HTR7: variants seen among roughly 807,000 people sequenced by gnomAD.
HTR7 encodes the protein 5-HT-7.
In HTR7, 16 loss-of-function variants were observed where a neutral mutation model predicts 34.0. The ratio of observed to expected loss-of-function variants is 0.47; its 90% CI spans 0.32 to 0.71. HTR7 has a LOEUF of 0.71. Among genes scored for constraint, HTR7 ranks in the 30% least tolerant of loss-of-function variants. The pLI, the probability that HTR7 is intolerant of heterozygous loss-of-function variation, is 0.04. For synonymous variants in HTR7, 265 were observed against 260.2 expected, an observed-to-expected ratio of 1.02 and a Z score of -0.18; for missense variants, 504 against 625.5, an observed-to-expected ratio of 0.81 and a Z score of 2.07.
At chr10:90,819,800 T>C (rs961168190) in intron 1 of HTR7, among the ~76,000 whole-genome samples, 2 of 151,466 alleles carry the variant, frequency 1.3e-5, no homozygotes, top group African/African-American at 2.4e-5. Context: ...AAGGGTGGAG[T>C]TTAAGAAGTG....
chr10:90,814,155 C>T (rs1336713228), intron 1 of HTR7, among the ~76,000 whole-genome samples: 4 of 152,198 alleles, frequency 2.6e-5, no homozygotes, highest in Non-Finnish European at 4.4e-5. Context: ...TGTTTCATAG[C>T]TAGCCTAGTG....
At chr10:90,817,849 C>A (rs758951221) in intron 1 of HTR7, among the ~76,000 whole-genome samples, 1 of 152,064 alleles carries the variant, frequency 6.6e-6, no homozygotes, top group East Asian at 1.9e-4. Context: ...AAAGAATAAA[C>A]AAAATATGCT....
At position 90,858,018 on chromosome 10, in the gene HTR7, A is replaced by C. The variant is rs992598951; in HGVS notation, c.-347T>G. 1.3e-5 allele frequency among the ~76,000 whole-genome samples: 2 copies of C among 149,064 alleles called. No homozygotes were observed. The highest frequency in any genetic ancestry group is 2.4e-5 in the African/African-American group (1 of 40,920). The stretch of plus-strand genomic sequence containing the variant: ...GCTGCGCCGAGAGCGCCCGGGCGGC[A>C]GCGGCAGAAGTTGCGGAGTGCGCCC... On this transcript the variant is annotated 5_prime_UTR_variant, in exon 1 of 4. Coordinates refer to ENST00000336152, the MANE Select transcript of HTR7 (RefSeq NM_019859.4).
rs184172123 is a variant in HTR7 at position 90,830,564 on chromosome 10, T to C, written c.539+26569A>G. On this transcript the variant is annotated intron_variant, in intron 1 of 3. Transcript: ENST00000336152. ...CACTTTGGGAGGCCGATGTAGCAGA[T>C]AGCTTGTGCCCAGGAGTTTGAGACC... Among the ~76,000 whole-genome samples the C allele has an allele frequency of 7.2e-5, 11 of 152,204 alleles. No homozygotes were observed. In the South Asian group the frequency reaches 8.3e-4, roughly 11 times the overall value.
At chr10:90,763,515 C>T (rs867039734) in intron 1 of HTR7, among the ~76,000 whole-genome samples, 35 of 152,148 alleles carry the variant, frequency 2.3e-4, no homozygotes, top group African/African-American at 5.5e-4. Context: ...TTGTTACATA[C>T]GTATACATGT....
At chr10:90,839,443 TG>T (rs1846295749) in intron 1 of HTR7, among the ~76,000 whole-genome samples, 1 of 151,634 alleles carries the variant, frequency 6.6e-6, no homozygotes, top group African/African-American at 2.4e-5. Flanking sequence ...ATGTTCCAGA[TG>T]AAAAAAAAAC....
chr10:90,784,973 A>G (rs79274153), intron 1 of HTR7, among the ~76,000 whole-genome samples: 2,182 of 152,310 alleles, frequency 0.014, 52 homozygotes, highest in African/African-American at 0.049. Flanking sequence ...CTTCAGGCTA[A>G]GACTTACTCA....
intron 1 of HTR7, among the ~76,000 whole-genome samples, chr10:90,804,267 C>A (rs1845670147): frequency 6.6e-6 from 1 of 152,178 alleles, no homozygotes; most frequent in South Asian, 2.1e-4. Context: ...CGTTCACCAT[C>A]CTTCGAGTCT....
chr10:90,789,141 G>A (rs1402607540), intron 1 of HTR7, among the ~76,000 whole-genome samples: 1 of 152,188 alleles, frequency 6.6e-6, no homozygotes, highest in Non-Finnish European at 1.5e-5. Context: ...CTGGCTAACT[G>A]ACTACTGAAA....
chr10:90,785,903 A>G (rs1002041772), intron 1 of HTR7, among the ~76,000 whole-genome samples: 7 of 152,194 alleles, frequency 4.6e-5, no homozygotes, highest in South Asian at 2.1e-4. Context: ...GAAAGCAGCC[A>G]TGGTACTGCC....
chr10:90,743,282 G>C (rs1844583004), intron 3 of HTR7, among the ~76,000 whole-genome samples: 1 of 152,148 alleles, frequency 6.6e-6, no homozygotes, highest in African/African-American at 2.4e-5. Context: ...CCTTCAGATG[G>C]GTGATCAATA....
At chr10:90,815,502 GT>G (rs1016875919) in intron 1 of HTR7, among the ~76,000 whole-genome samples, 1 of 152,238 alleles carries the variant, frequency 6.6e-6, no homozygotes, top group African/African-American at 2.4e-5. Context: ...CAGAAAGGAT[GT>G]AAATGCGCCC....
chr10:90,806,196 G>C (rs11186314), intron 1 of HTR7, among the ~76,000 whole-genome samples: 12,313 of 152,212 alleles, frequency 0.081, 749 homozygotes, highest in African/African-American at 0.17. Context: ...AAGAAAAAAT[G>C]AGACAGATAA....
In HTR7 at chr10:90,741,083, G is replaced by A. The variant is rs1465537681; in HGVS notation, c.*1399C>T. ...CTGGTAAGAAGCAATGTCAATGGGA[G>A]TTAGAAGAAGTCCATAATCCATGTC... On this transcript the variant is annotated 3_prime_UTR_variant, in exon 4 of 4. Transcript: ENST00000336152. 1 of 152,746 alleles carries A rather than the reference G, an allele frequency of 6.5e-6. No homozygotes were observed. Among genetic ancestry groups the A allele is most frequent in the East Asian group, 1.9e-4 (1 of 5,180 alleles). 9.5% of individuals were successfully genotyped at this position (152,746 alleles called of 1,614,324 possible). A position where few individuals can be genotyped will look rare whatever the true frequency, so the allele number is the denominator to read the frequency against.
At chr10:90,809,314 C>A (rs1431772803) in intron 1 of HTR7, among the ~76,000 whole-genome samples, 4 of 152,158 alleles carry the variant, frequency 2.6e-5, no homozygotes, top group Admixed American at 2.6e-4. Context: ...TTTTCTTTAT[C>A]CCAAATCAGA....
At chr10:90,785,081 C>A (rs946793942) in intron 1 of HTR7, among the ~76,000 whole-genome samples, 1 of 152,190 alleles carries the variant, frequency 6.6e-6, no homozygotes, top group Non-Finnish European at 1.5e-5. Context: ...CCTCATCATC[C>A]GCTGCAGGAG....
intron 1 of HTR7, among the ~76,000 whole-genome samples, chr10:90,760,819 T>G (rs1464883833): frequency 6.6e-6 from 1 of 152,074 alleles, no homozygotes; most frequent in African/African-American, 2.4e-5. Flanking sequence ...AAGTGTAAGT[T>G]GCAGTGAGCC....
intron 1 of HTR7, among the ~76,000 whole-genome samples, chr10:90,757,430 G>T (rs1459685931): frequency 6.6e-6 from 1 of 152,192 alleles, no homozygotes; most frequent in Non-Finnish European, 1.5e-5. Context: ...CCAACTTCCA[G>T]AAGACTGGTA....
intron 1 of HTR7, among the ~76,000 whole-genome samples, chr10:90,793,284 C>A: frequency 6.6e-6 from 1 of 151,904 alleles, no homozygotes; most frequent in East Asian, 1.9e-4. Context: ...ATACACAAAT[C>A]TCCAATAATC....
Sources: gnomAD v4.1 joint callset for allele counts (sites outside exome capture counted in the v4.1 genomes callset) on GRCh38, gnomAD v4.1.1 for gene constraint, MANE v1.5 for transcripts, NCBI Gene and HGNC (gene_info 2026-07-23, HGNC 2026-07-21) for gene names.